Variants in HS6ST2 observed in about 807,000 individuals in gnomAD.
HS6ST2 encodes heparan-sulfate 6-O-sulfotransferase 2.
Under a neutral mutation model 33.0 loss-of-function variants are expected in HS6ST2, and 17 were observed. That is an observed-to-expected ratio of 0.52 (90% CI 0.35 to 0.77). The LOEUF (loss-of-function observed/expected upper bound fraction) is 0.77, where lower values mean the gene tolerates loss of function less well. Among genes scored for constraint, HS6ST2 ranks in the 30% least tolerant of loss-of-function variants. The pLI, the probability that HS6ST2 is intolerant of heterozygous loss-of-function variation, is 0.01. For synonymous variants in HS6ST2, 248 were observed against 237.1 expected (o/e 1.05, Z -0.42); for missense variants, 519 against 551.7 (o/e 0.94, Z 0.59).
chrX:132,833,697 A>G (rs959552447), intron 2 of HS6ST2, among the ~76,000 whole-genome samples: 16 of 110,785 alleles, frequency 1.4e-4, no homozygotes, highest in Non-Finnish European at 2.3e-4. Context: ...ACTCTCCCCA[A>G]TGTGAAAAGT....
At chrX:132,733,239 G>T (rs1242286783) in intron 2 of HS6ST2, among the ~76,000 whole-genome samples, 1 of 111,536 alleles carries the variant, frequency 9.0e-6, no homozygotes, top group Non-Finnish European at 1.9e-5. Context: ...AATCTCTTAG[G>T]GTTCCCCTAC....
chrX:132,826,714 T>C (rs1602721042), intron 2 of HS6ST2, among the ~76,000 whole-genome samples: 1 of 110,634 alleles, frequency 9.0e-6, no homozygotes, highest in East Asian at 2.8e-4. Flanking sequence ...GTGAACACAC[T>C]GATAATTAGA....
intron 2 of HS6ST2, among the ~76,000 whole-genome samples, chrX:132,843,039 T>C (rs1040032343): frequency 8.9e-6 from 1 of 111,802 alleles, no homozygotes; most frequent in Non-Finnish European, 1.9e-5. Flanking sequence ...CAGTCTCCCA[T>C]TTTGGCATCT....
intron 2 of HS6ST2, among the ~76,000 whole-genome samples, chrX:132,868,245 A>T (rs1277218608): frequency 8.9e-6 from 1 of 112,399 alleles, no homozygotes; most frequent in Non-Finnish European, 1.9e-5. Flanking sequence ...TATCCTAAAT[A>T]TACGTGTACC....
chrX:132,631,858 C>T (rs2063520261), intron 4 of HS6ST2, among the ~76,000 whole-genome samples: 1 of 111,570 alleles, frequency 9.0e-6, no homozygotes, highest in Non-Finnish European at 1.9e-5. Context: ...AAACATTGTT[C>T]CTAGCCTTTC....
chrX:132,800,657 ACTCCATCATACCATGAT>A (rs1170540091), intron 2 of HS6ST2, among the ~76,000 whole-genome samples: 1 of 110,456 alleles, frequency 9.1e-6, no homozygotes, highest in Admixed American at 9.7e-5. Context: ...GCAGTGGAGA[ACTCCATCATACCATGAT>A]CTGCAATTGT....
intron 2 of HS6ST2, among the ~76,000 whole-genome samples, chrX:132,895,257 G>GA (rs1374141301): frequency 9.0e-6 from 1 of 111,573 alleles, no homozygotes; most frequent in Admixed American, 9.6e-5. Flanking sequence ...CATGGAGACA[G>GA]AAAAAATTCT....
rs933712920 is a variant in HS6ST2 at position 132,924,401 on chromosome X, T to C, written c.947+32407A>G. Among the ~76,000 whole-genome samples the C allele has an allele frequency of 2.7e-5, 3 of 111,740 alleles. No individual in the cohort carries two copies. The South Asian group carries it at 1.1e-3, about 42-fold the overall frequency. The stretch of plus-strand genomic sequence containing the variant: ...TGTTCCTATAAGCCTGAGGGAAAAA[T>C]TGAATAGAATCAATCCTCGCTTAGC... On this transcript the variant is annotated intron_variant, in intron 2 of 4. Transcript: ENST00000370833.
chrX:132,852,870 C>T (rs768874994), intron 2 of HS6ST2, among the ~76,000 whole-genome samples: 2 of 111,941 alleles, frequency 1.8e-5, no homozygotes, highest in East Asian at 5.7e-4. Context: ...AGCTGATGGC[C>T]CCAGGCTCTG....
intron 2 of HS6ST2, among the ~76,000 whole-genome samples, chrX:132,943,961 C>G (rs1278105154): frequency 9.0e-6 from 1 of 111,197 alleles, no homozygotes; most frequent in Non-Finnish European, 1.9e-5. Flanking sequence ...GACAGGGATG[C>G]CCTCTCTCAC....
At chrX:132,959,126 G>A (rs185887761), upstream of HS6ST2, among the ~76,000 whole-genome samples, 4 of 111,392 alleles carry the variant, frequency 3.6e-5, no homozygotes, top group East Asian at 2.8e-4. Context: ...GGGTAGGGAT[G>A]TGCCCAAGGT....
chrX:132,909,533 A>C (rs1050725846), intron 2 of HS6ST2, among the ~76,000 whole-genome samples: 1 of 112,124 alleles, frequency 8.9e-6, no homozygotes, highest in Non-Finnish European at 1.9e-5. Flanking sequence ...TTAAAAACAA[A>C]ACTTTAAGAT....
chrX:132,767,719 T>A (rs1459645390), intron 2 of HS6ST2, among the ~76,000 whole-genome samples: 1 of 111,305 alleles, frequency 9.0e-6, no homozygotes, highest in Admixed American at 9.6e-5. Context: ...TCAACTGCCC[T>A]TTATTGTGCC....
chrX:132,751,561 C>T (rs147596266), intron 2 of HS6ST2, among the ~76,000 whole-genome samples: 2 of 112,067 alleles, frequency 1.8e-5, no homozygotes, highest in Non-Finnish European at 3.8e-5. Context: ...AGGAGCAAGA[C>T]TCTGAGCCAC....
chrX:132,855,339 T>G (rs919016249), intron 2 of HS6ST2, among the ~76,000 whole-genome samples: 3 of 112,387 alleles, frequency 2.7e-5, no homozygotes, highest in African/African-American at 9.7e-5. Flanking sequence ...ATAGGCATTA[T>G]GCCTATTTTA....
chrX:132,805,665 C>G (rs1449228280), intron 2 of HS6ST2, among the ~76,000 whole-genome samples: 2 of 110,374 alleles, frequency 1.8e-5, no homozygotes, highest in African/African-American at 6.5e-5. Flanking sequence ...CAAGATGAAT[C>G]TGAGGACCAG....
At chrX:132,869,194 T>C (rs1190702628) in intron 2 of HS6ST2, among the ~76,000 whole-genome samples, 2 of 111,265 alleles carry the variant, frequency 1.8e-5, no homozygotes, top group Non-Finnish European at 3.8e-5. Flanking sequence ...AATGGGTAAA[T>C]TCCTGGACAC....
chrX:132,673,266 A>C (rs1332056175), intron 3 of HS6ST2, among the ~76,000 whole-genome samples: 1 of 112,612 alleles, frequency 8.9e-6, no homozygotes, highest in Non-Finnish European at 1.9e-5. Flanking sequence ...TATTCATTGA[A>C]CAAATAAATG....
rs557214089 is a variant in HS6ST2, at chrX:132,670,635, T to C, written c.981-1436A>G. 5.3e-4 allele frequency among the ~76,000 whole-genome samples: 59 copies of C among 111,106 alleles called. No homozygotes were observed. In the South Asian group the frequency reaches 0.021, roughly 39 times the overall value. On this transcript the variant is annotated intron_variant, in intron 3 of 4. Coordinates refer to ENST00000370833, the MANE Select transcript of HS6ST2 (RefSeq NM_001394073.1). ...CAACATAGCAAAACCCCATCTCTACTAAAAATACAAAAATAAAAAATAAAA... is the reference window on the plus strand; with the variant it reads ...CAACATAGCAAAACCCCATCTCTACCAAAAATACAAAAATAAAAAATAAAA...
Sources: allele counts gnomAD v4.1 joint callset (sites outside exome capture counted in the v4.1 genomes callset), GRCh38; gene constraint gnomAD v4.1.1; transcripts MANE v1.5; gene names NCBI Gene and HGNC (gene_info 2026-07-23, HGNC 2026-07-21).